The following NCKAP5 variants were observed in gnomAD, a reference collection of about 807,000 sequenced individuals.
NCKAP5 encodes the protein nck-associated protein 5.
In NCKAP5, 92 loss-of-function variants were observed where a neutral mutation model predicts 167.0. That is an observed-to-expected ratio of 0.55 (90% confidence interval 0.47 to 0.66). The LOEUF is 0.66. NCKAP5 is among the 30% of genes least tolerant of loss of function. The pLI is 0.00. For missense variants in NCKAP5, 2,378 were observed against 2,315.0 expected, an observed-to-expected ratio of 1.03 and a Z score of -0.56; for synonymous variants, 891 against 877.4, an observed-to-expected ratio of 1.02 and a Z score of -0.27.
At chr2:133,534,509 G>A (rs1685604946) in intron 2 of NCKAP5, among the ~76,000 whole-genome samples, 1 of 151,914 alleles carries the variant, frequency 6.6e-6, no homozygotes, top group Non-Finnish European at 1.5e-5. Context: ...CCCTTACCCA[G>A]CCCCCGGCAA....
At chr2:132,712,339 T>A (rs1308345422) in intron 19 of NCKAP5, among the ~76,000 whole-genome samples, 4 of 152,160 alleles carry the variant, frequency 2.6e-5, no homozygotes, top group Non-Finnish European at 5.9e-5. Context: ...GGCTACCTCA[T>A]ACCTTTTGCT....
At chr2:133,518,455 C>T (rs1018800447) in intron 2 of NCKAP5, among the ~76,000 whole-genome samples, 1 of 142,324 alleles carries the variant, frequency 7.0e-6, no homozygotes, top group African/African-American at 2.5e-5. Flanking sequence ...CCCTGGTTCA[C>T]GCCATTCTCC....
At chr2:133,008,215 G>T (rs1164016645) in intron 6 of NCKAP5, among the ~76,000 whole-genome samples, 7 of 152,078 alleles carry the variant, frequency 4.6e-5, no homozygotes, top group Non-Finnish European at 7.4e-5. Context: ...TGACTGAGCT[G>T]TCACTATTGA....
intron 2 of NCKAP5, among the ~76,000 whole-genome samples, chr2:133,541,737 G>GT (rs1281269350): frequency 6.6e-6 from 1 of 151,822 alleles, no homozygotes; most frequent in African/African-American, 2.4e-5. Flanking sequence ...ACATTGGGCT[G>GT]TAACTACATG....
At chr2:132,848,821 G>A (rs1186675001) in intron 11 of NCKAP5, among the ~76,000 whole-genome samples, 26 of 152,116 alleles carry the variant, frequency 1.7e-4, no homozygotes, top group Admixed American at 1.6e-3. Context: ...GCAACATAGT[G>A]AGACCTTGTC....
At chr2:133,383,446 T>G (rs1236038853) in intron 3 of NCKAP5, among the ~76,000 whole-genome samples, 2 of 152,238 alleles carry the variant, frequency 1.3e-5, no homozygotes, top group Non-Finnish European at 2.9e-5. Flanking sequence ...TGCCACATTT[T>G]CTTAATCCAG....
At chr2:133,456,391 C>T (rs1352842822) in intron 3 of NCKAP5, among the ~76,000 whole-genome samples, 1 of 152,124 alleles carries the variant, frequency 6.6e-6, no homozygotes, top group Non-Finnish European at 1.5e-5. Flanking sequence ...CGCCTTCTTG[C>T]TAGCTGCACT....
At chr2:133,353,352 T>C (rs13407503) in intron 3 of NCKAP5, among the ~76,000 whole-genome samples, 44,803 of 152,042 alleles carry the variant, frequency 0.29, 7,285 homozygotes, top group African/African-American at 0.43. Context: ...CTCCCAGTTT[T>C]CCATATCTAT....
At chr2:133,094,911 G>A (rs1339122526) in intron 6 of NCKAP5, among the ~76,000 whole-genome samples, 1 of 152,126 alleles carries the variant, frequency 6.6e-6, no homozygotes, top group Admixed American at 6.5e-5. Context: ...GAAGTTTAGA[G>A]TAGCCCCCTC....
chr2:133,173,389 T>C (rs1283525145), intron 5 of NCKAP5, among the ~76,000 whole-genome samples: 1 of 152,196 alleles, frequency 6.6e-6, no homozygotes, highest in Non-Finnish European at 1.5e-5. Flanking sequence ...CTTTTATCAA[T>C]GAAGCCCTGA....
At chr2:132,897,120 A>C (rs1693268538) in intron 8 of NCKAP5, among the ~76,000 whole-genome samples, 1 of 152,236 alleles carries the variant, frequency 6.6e-6, no homozygotes, top group Non-Finnish European at 1.5e-5. Context: ...AGAATAATCC[A>C]TTTTATAAAA....
intron 3 of NCKAP5, among the ~76,000 whole-genome samples, chr2:133,434,637 T>C (rs922180366): frequency 2.6e-5 from 4 of 152,276 alleles, no homozygotes; most frequent in African/African-American, 4.8e-5. Context: ...GCCAGGCACA[T>C]GGCAAAGTGT....
At chr2:133,162,693 CT>C (rs988252818) in intron 5 of NCKAP5, among the ~76,000 whole-genome samples, 3 of 150,468 alleles carry the variant, frequency 2.0e-5, no homozygotes, top group Admixed American at 6.6e-5. Flanking sequence ...TTTTTTGTTT[CT>C]TTTTTTTTAA....
chr2:133,140,821 T>C (rs1487638807), intron 5 of NCKAP5, among the ~76,000 whole-genome samples: 1 of 149,614 alleles, frequency 6.7e-6, no homozygotes, highest in African/African-American at 2.4e-5. Context: ...TAACAAATTA[T>C]ATACAAAATA....
At chr2:132,894,673 A>T (rs1020443302) in intron 8 of NCKAP5, among the ~76,000 whole-genome samples, 24 of 152,070 alleles carry the variant, frequency 1.6e-4, no homozygotes, top group African/African-American at 5.6e-4. Context: ...CTTTAGGGAG[A>T]TTATATATTA....
intron 19 of NCKAP5, among the ~76,000 whole-genome samples, chr2:132,677,472 C>G (rs1443529077): frequency 6.6e-6 from 1 of 152,060 alleles, no homozygotes; most frequent in Non-Finnish European, 1.5e-5. Context: ...TACTATGTGA[C>G]CAGCTTTGTG....
intron 3 of NCKAP5, among the ~76,000 whole-genome samples, chr2:133,486,895 A>G (rs1181310682): frequency 2.6e-5 from 4 of 152,144 alleles, no homozygotes; most frequent in South Asian, 2.1e-4. Context: ...ACACTTTTTC[A>G]TAAGAGCTGT....
chr2:132,787,355 A>G (rs36018722), intron 13 of NCKAP5, among the ~76,000 whole-genome samples: 2 of 150,950 alleles, frequency 1.3e-5, no homozygotes, highest in Middle Eastern at 6.9e-3. Context: ...TTCAAAAAAA[A>G]AAAAAAAAAA....
chr2:133,066,857 G>T (rs2080216601), intron 6 of NCKAP5, among the ~76,000 whole-genome samples: 1 of 152,118 alleles, frequency 6.6e-6, no homozygotes, highest in African/African-American at 2.4e-5. Flanking sequence ...TAGTCTAGTG[G>T]CATCTATATT....
Sources: gnomAD v4.1 joint callset for allele counts (sites outside exome capture counted in the v4.1 genomes callset) on GRCh38, gnomAD v4.1.1 for gene constraint, MANE v1.5 for transcripts, NCBI Gene and HGNC (gene_info 2026-07-23, HGNC 2026-07-21) for gene names.